Variants in MYO1D observed in about 807,000 individuals in gnomAD.
MYO1D encodes the protein myosin ID.
Under a neutral mutation model 122.0 loss-of-function variants are expected in MYO1D, and 83 were observed. The ratio of observed to expected loss-of-function variants is 0.68; its 90% CI spans 0.57 to 0.82. The LOEUF (loss-of-function observed/expected upper bound fraction) is 0.82. MYO1D is among the 40% of genes least tolerant of loss of function. The pLI is 0.00. For synonymous variants in MYO1D, 464 were observed against 446.9 expected, an observed-to-expected ratio of 1.04 and a Z score of -0.48; for missense variants, 1,157 against 1,269.5, an observed-to-expected ratio of 0.91 and a Z score of 1.35.
chr17:32,855,847 T>C (rs2091023567), intron 1 of MYO1D, among the ~76,000 whole-genome samples: 1 of 152,226 alleles, frequency 6.6e-6, no homozygotes, highest in Non-Finnish European at 1.5e-5. Flanking sequence ...ACAGGGCTCT[T>C]TGGATGAGGT....
intron 20 of MYO1D, among the ~76,000 whole-genome samples, chr17:32,636,431 C>T (rs1007615576): frequency 2.0e-5 from 3 of 151,994 alleles, no homozygotes; most frequent in African/African-American, 7.3e-5. Context: ...TACTCATGTC[C>T]CTATCATCCA....
At chr17:32,666,377 C>T (rs147534165) in intron 16 of MYO1D, among the ~76,000 whole-genome samples, 1 of 152,324 alleles carries the variant, frequency 6.6e-6, no homozygotes, top group African/African-American at 2.4e-5. Context: ...GTTGTTTCCA[C>T]TATGGTACTA....
At chr17:32,784,970 T>C (rs764739531) in intron 1 of MYO1D, among the ~76,000 whole-genome samples, 4 of 152,084 alleles carry the variant, frequency 2.6e-5, no homozygotes, top group African/African-American at 4.8e-5. Flanking sequence ...GAGTTTACAT[T>C]TGAGGGAGTT....
At chr17:32,521,713 G>A (rs1910145406) in intron 21 of MYO1D, among the ~76,000 whole-genome samples, 1 of 152,154 alleles carries the variant, frequency 6.6e-6, no homozygotes, top group Non-Finnish European at 1.5e-5. Context: ...ACTTTGGGAG[G>A]CCAAGGCAGG....
chr17:32,571,287 G>C (rs1179514815), intron 21 of MYO1D, among the ~76,000 whole-genome samples: 1 of 152,068 alleles, frequency 6.6e-6, no homozygotes, highest in Non-Finnish European at 1.5e-5. Flanking sequence ...GTTGGTAAAT[G>C]GTCAAAAACT....
intron 16 of MYO1D, among the ~76,000 whole-genome samples, chr17:32,694,290 T>G (rs1402294320): frequency 1.2e-5 from 1 of 86,546 alleles, no homozygotes; most frequent in Non-Finnish European, 2.5e-5. Context: ...TCTGAGCTCA[T>G]CCTGACCCAA....
chr17:32,605,501 A>G (rs949891425), intron 20 of MYO1D, among the ~76,000 whole-genome samples: 1 of 152,138 alleles, frequency 6.6e-6, no homozygotes, highest in Non-Finnish European at 1.5e-5. Context: ...ATCTTCTATC[A>G]GTTTCACGGA....
rs1909578071 is a variant in MYO1D at position 32,508,526 on chromosome 17, T to C, written c.2865-13611A>G. 2.0e-5 allele frequency among the ~76,000 whole-genome samples: 3 copies of C among 152,200 alleles called. No individual in the cohort carries two copies. The South Asian group carries it at 6.2e-4, about 31-fold the overall frequency. ...CATGACCTCCAGTGGTCCACCTGCC[T>C]TGGCCTCCCAAAGTACCAGGATTAC... On this transcript the variant is annotated intron_variant, in intron 21 of 21. Coordinates refer to ENST00000318217, the MANE Select transcript of MYO1D (RefSeq NM_015194.3).
chr17:32,586,980 A>G (rs1490672295), intron 21 of MYO1D, among the ~76,000 whole-genome samples: 1 of 152,074 alleles, frequency 6.6e-6, no homozygotes, highest in African/African-American at 2.4e-5. Context: ...TCAAAAACTT[A>G]TTTCTTGATG....
chr17:32,496,332 C>G (rs576159770), intron 21 of MYO1D: 2 of 152,254 alleles, frequency 1.3e-5, no homozygotes, highest in African/African-American at 4.8e-5. Flanking sequence ...ATGGCTGTCT[C>G]CCCCCTGCTT....
chr17:32,864,862 C>CT (rs1256684075), intron 1 of MYO1D, among the ~76,000 whole-genome samples: 1 of 152,040 alleles, frequency 6.6e-6, no homozygotes, highest in African/African-American at 2.4e-5. Context: ...GGAGATAAGA[C>CT]TTTGTCTTGC....
intron 16 of MYO1D, among the ~76,000 whole-genome samples, chr17:32,682,400 T>C (rs1032205772): frequency 6.7e-6 from 1 of 148,268 alleles, no homozygotes; most frequent in Non-Finnish European, 1.5e-5. Context: ...CGGTTGTTCC[T>C]TTCCATGTTT....
chr17:32,524,033 T>C (rs1013852744), intron 21 of MYO1D, among the ~76,000 whole-genome samples: 3 of 152,210 alleles, frequency 2.0e-5, no homozygotes, highest in Non-Finnish European at 4.4e-5. Flanking sequence ...CACAGTGCCG[T>C]GCGTAATCAG....
chr17:32,611,485 G>A (rs2087701613), intron 20 of MYO1D, among the ~76,000 whole-genome samples: 1 of 151,804 alleles, frequency 6.6e-6, no homozygotes, highest in African/African-American at 2.4e-5. Context: ...AAGTACCTAG[G>A]CATACAAAAA....
intron 1 of MYO1D, chr17:32,862,895 G>C (rs1425734645): frequency 6.6e-6 from 1 of 152,188 alleles, no homozygotes; most frequent in Non-Finnish European, 1.5e-5. Context: ...GGCTGCATAT[G>C]AGACTCACCT....
intron 16 of MYO1D, among the ~76,000 whole-genome samples, chr17:32,702,479 T>A (rs897216444): frequency 9.9e-5 from 15 of 151,096 alleles, no homozygotes; most frequent in Non-Finnish European, 2.9e-5. Flanking sequence ...AGCTTGAGGC[T>A]TTTTTTTCCC....
chr17:32,548,033 C>T (rs1369590687), intron 21 of MYO1D, among the ~76,000 whole-genome samples: 2 of 152,006 alleles, frequency 1.3e-5, no homozygotes, highest in Non-Finnish European at 2.9e-5. Context: ...CTTAACATGA[C>T]GAGAGAGCAC....
intron 21 of MYO1D, among the ~76,000 whole-genome samples, chr17:32,588,423 G>A (rs1242723545): frequency 6.6e-6 from 1 of 152,180 alleles, no homozygotes; most frequent in African/African-American, 2.4e-5. Flanking sequence ...CAGCATACCT[G>A]TACATTTGAG....
chr17:32,759,602 T>C (rs908318319), intron 10 of MYO1D, among the ~76,000 whole-genome samples: 1 of 152,136 alleles, frequency 6.6e-6, no homozygotes, highest in Non-Finnish European at 1.5e-5. Context: ...TTACTATGTC[T>C]CATTTCTATC....
Sources: gnomAD v4.1 joint callset for allele counts (sites outside exome capture counted in the v4.1 genomes callset) on GRCh38, gnomAD v4.1.1 for gene constraint, MANE v1.5 for transcripts, NCBI Gene and HGNC (gene_info 2026-07-23, HGNC 2026-07-21) for gene names.